The following NRG3 variants were observed in gnomAD, a reference collection of about 807,000 sequenced individuals.
The protein encoded by NRG3 is neuregulin 3, also known as pro-neuregulin-3, membrane-bound isoform.
A neutral mutation model predicts 66.9 loss-of-function variants in NRG3; 31 were observed. The ratio of observed to expected loss-of-function variants is 0.46; its 90% CI spans 0.35 to 0.63. NRG3 has a LOEUF of 0.63. Among genes scored for constraint, NRG3 ranks in the 20% least tolerant of loss-of-function variants. NRG3 has a pLI of 0.00. For missense variants in NRG3, 910 were observed against 878.9 expected (o/e 1.04, Z -0.45); for synonymous variants, 393 against 359.4 (o/e 1.09, Z -1.06).
chr10:82,627,118 A>T (rs886833707), intron 2 of NRG3, among the ~76,000 whole-genome samples: 1 of 152,142 alleles, frequency 6.6e-6, no homozygotes, highest in Non-Finnish European at 1.5e-5. Context: ...GATACCAAAA[A>T]TAAAAATAAG....
At chr10:82,404,748 T>C (rs1275038626) in intron 2 of NRG3, among the ~76,000 whole-genome samples, 1 of 152,128 alleles carries the variant, frequency 6.6e-6, no homozygotes, top group African/African-American at 2.4e-5. Flanking sequence ...CAGTTAATCT[T>C]ATGGGGTCTG....
chr10:82,227,387 C>CATT lies in NRG3; in HGVS notation c.824-131333_824-131331dup, dbSNP rs748620902. The stretch of plus-strand genomic sequence containing the variant: ...ACACCCTTGCATTTGACAACTGGCT[C>CATT]ATTATTATTATTATTATTATTTTAT... On this transcript the variant is annotated intron_variant, in intron 1 of 8. Coordinates refer to ENST00000372141, the MANE Select transcript of NRG3 (RefSeq NM_001010848.4). Among the ~76,000 whole-genome samples, 451 of 151,740 alleles carry CATT rather than the reference C, an allele frequency of 3.0e-3. 1 individual carries two copies. Among genetic ancestry groups the CATT allele is most frequent in the African/African-American group, 4.9e-3 (203 of 41,398 alleles).
intron 3 of NRG3, among the ~76,000 whole-genome samples, chr10:82,767,600 T>C (rs919721373): frequency 6.6e-5 from 10 of 152,210 alleles, no homozygotes; most frequent in African/African-American, 2.4e-4. Flanking sequence ...GGTTGGCTAT[T>C]GGATCTCCTG....
intron 2 of NRG3, among the ~76,000 whole-genome samples, chr10:82,605,792 A>T (rs1360944691): frequency 2.6e-5 from 4 of 152,058 alleles, no homozygotes; most frequent in African/African-American, 9.7e-5. Flanking sequence ...CCTTTAATAG[A>T]TATAGGCCCA....
At chr10:82,323,914 G>A (rs2081720384) in intron 1 of NRG3, among the ~76,000 whole-genome samples, 1 of 152,136 alleles carries the variant, frequency 6.6e-6, no homozygotes, top group Non-Finnish European at 1.5e-5. Flanking sequence ...GCCCAGGCTG[G>A]AGTGCAATGG....
chr10:82,534,389 G>A (rs1421506230), intron 2 of NRG3, among the ~76,000 whole-genome samples: 5 of 151,538 alleles, frequency 3.3e-5, no homozygotes, highest in Admixed American at 3.3e-4. Flanking sequence ...CTCAGCTTCC[G>A]AACTAGCTGA....
At chr10:82,640,900 C>A (rs1055351496) in intron 2 of NRG3, among the ~76,000 whole-genome samples, 11 of 151,110 alleles carry the variant, frequency 7.3e-5, no homozygotes, top group African/African-American at 2.7e-4. Context: ...TGCTTACATT[C>A]TTTTGAGGAC....
chr10:82,481,873 G>A (rs1399610496), intron 2 of NRG3, among the ~76,000 whole-genome samples: 6 of 152,134 alleles, frequency 3.9e-5, no homozygotes, highest in Admixed American at 1.3e-4. Context: ...TGTAATCTTA[G>A]CTACTTTGGA....
chr10:81,953,334 A>T (rs1849548008), intron 1 of NRG3, among the ~76,000 whole-genome samples: 1 of 152,088 alleles, frequency 6.6e-6, no homozygotes, highest in Non-Finnish European at 1.5e-5. Context: ...TTGTCTTTCC[A>T]TCCTTCTCTT....
intron 1 of NRG3, among the ~76,000 whole-genome samples, chr10:82,054,168 T>C (rs966750640): frequency 6.6e-6 from 1 of 152,206 alleles, no homozygotes; most frequent in Non-Finnish European, 1.5e-5. Context: ...ATTTGATTTA[T>C]GTTTTAAAAG....
chr10:82,610,714 C>A (rs185420128), intron 2 of NRG3, among the ~76,000 whole-genome samples: 70 of 152,208 alleles, frequency 4.6e-4, no homozygotes, highest in African/African-American at 1.7e-3. Context: ...CATTTGTATT[C>A]TTCTTACTTT....
chr10:81,976,703 G>A (rs577070608), intron 1 of NRG3, among the ~76,000 whole-genome samples: 1 of 152,258 alleles, frequency 6.6e-6, no homozygotes, highest in South Asian at 2.1e-4. Context: ...TTGTTCTAAG[G>A]CGTCCAGAGC....
intron 3 of NRG3, among the ~76,000 whole-genome samples, chr10:82,763,662 T>C (rs993226750): frequency 2.7e-5 from 4 of 147,502 alleles, no homozygotes; most frequent in African/African-American, 1.1e-4. Context: ...ACACTTCCCA[T>C]GTTCAAAAAA....
intron 1 of NRG3, among the ~76,000 whole-genome samples, chr10:82,112,902 T>C (rs2067475014): frequency 6.6e-6 from 1 of 152,168 alleles, no homozygotes; most frequent in African/African-American, 2.4e-5. Flanking sequence ...TGTGGTTTCA[T>C]GTGGCCATGC....
At chr10:82,957,633 T>A (rs35031925) in intron 5 of NRG3, among the ~76,000 whole-genome samples, 1 of 151,594 alleles carries the variant, frequency 6.6e-6, no homozygotes, top group East Asian at 1.9e-4. Context: ...CAGCCTTACA[T>A]GCACGAAAAT....
At chr10:82,503,713 G>C (rs1404818724) in intron 2 of NRG3, among the ~76,000 whole-genome samples, 1 of 152,124 alleles carries the variant, frequency 6.6e-6, no homozygotes, top group Non-Finnish European at 1.5e-5. Flanking sequence ...ACCTAACCTG[G>C]TTTGGAAGCT....
At chr10:82,336,007 A>G (rs2082367315) in intron 1 of NRG3, among the ~76,000 whole-genome samples, 1 of 152,226 alleles carries the variant, frequency 6.6e-6, no homozygotes, top group Non-Finnish European at 1.5e-5. Flanking sequence ...TTGCAGCTCA[A>G]AAAGCCATAG....
rs935871253 is a variant in NRG3 at position 82,734,764 on chromosome 10, C to T, written c.954-3813C>T. Among the ~76,000 whole-genome samples, 3 of 152,072 alleles carry T rather than the reference C, an allele frequency of 2.0e-5. No individual in the cohort carries two copies. The South Asian group carries it at 6.2e-4, about 31-fold the overall frequency. ...AAGTGCAGTGGCTCACACCTGTAAA[C>T]CCAAACACTTTGGGAGGCCAAGACA... On this transcript the variant is annotated intron_variant, in intron 2 of 8. Transcript: ENST00000372141.
intron 2 of NRG3, among the ~76,000 whole-genome samples, chr10:82,484,287 A>G (rs538039204): frequency 1.8e-4 from 28 of 152,156 alleles, no homozygotes; most frequent in Non-Finnish European, 3.8e-4. Flanking sequence ...ATGGTTCTGA[A>G]CCCAGGTATC....
Sources: gnomAD v4.1 joint callset for allele counts (sites outside exome capture counted in the v4.1 genomes callset) on GRCh38, gnomAD v4.1.1 for gene constraint, MANE v1.5 for transcripts, NCBI Gene and HGNC (gene_info 2026-07-23, HGNC 2026-07-21) for gene names.